The following ANK2 variants were observed in gnomAD, a reference collection of about 807,000 sequenced individuals.
ANK2 encodes ankyrin 2, also known as ankyrin-2.
In ANK2, 83 loss-of-function variants were observed where a neutral mutation model predicts 360.5. The ratio of observed to expected loss-of-function variants is 0.23; its 90% CI spans 0.19 to 0.28. The LOEUF (loss-of-function observed/expected upper bound fraction) is 0.28, where lower values mean the gene tolerates loss of function less well. Ranked by LOEUF, ANK2 falls within the 10% of genes least tolerant of loss-of-function variation. The pLI is 1.00. For synonymous variants in ANK2, 1,740 were observed against 1,759.5 expected (o/e 0.99, Z 0.28); for missense variants, 4,201 against 4,795.7 (o/e 0.88, Z 3.66).
At position 113,255,773 on chromosome 4, in the gene ANK2, C is replaced by A. The variant is rs544855570; in HGVS notation, c.1029C>A (p.Asp343Glu). The A allele has an allele frequency of 6.2e-7, 1 of 1,614,112 alleles. No individual in the cohort carries two copies. Among genetic ancestry groups the A allele is most frequent in the African/African-American group, 1.3e-5 (1 of 75,008 alleles). The change falls in exon 11 of 46, where the codon GAC (aspartate) becomes GAA (glutamate). Residue 343 changes from aspartate to glutamate, a missense_variant. Coordinates refer to ENST00000357077, the MANE Select transcript of ANK2 (RefSeq NM_001148.6). ...LSPLHMAAQG[D>E]HVECVKHLLQ... is the part of the protein sequence containing the mutation. ...CACTACACATGGCTGCCCAGGGAGA[C>A]CACGTGGAATGTGTGAAGCACCTGT... is the stretch of plus-strand genomic sequence containing the variant.
intron 2 of ANK2, among the ~76,000 whole-genome samples, chr4:112,939,314 A>C (rs773050521): frequency 3.3e-5 from 5 of 151,968 alleles, no homozygotes; most frequent in Non-Finnish European, 5.9e-5. Context: ...CTTTATTTTT[A>C]TTTATTTATT....
chr4:113,298,448 A>G (rs941119355), intron 22 of ANK2, among the ~76,000 whole-genome samples: 5 of 152,116 alleles, frequency 3.3e-5, no homozygotes, highest in Admixed American at 6.5e-5. Flanking sequence ...GACCAGGAGG[A>G]TTGGCTGAGT....
intron 1 of ANK2, among the ~76,000 whole-genome samples, chr4:112,896,237 G>A (rs2081695368): frequency 6.6e-6 from 1 of 152,236 alleles, no homozygotes; most frequent in Admixed American, 6.5e-5. Context: ...GGAGGAAGGA[G>A]CTACAGCATA....
chr4:113,139,249 C>G lies in ANK2; in HGVS notation c.85-35167C>G, dbSNP rs28433423. On this transcript the variant is annotated intron_variant, in intron 1 of 45. Coordinates refer to ENST00000357077, the MANE Select transcript of ANK2 (RefSeq NM_001148.6). Reference sequence around the variant, plus strand: ...TGTTCCTGTGGGCACCAAACTTTGCCCATTAACTGATCTATTCTCATGCTA... The same window carrying G: ...TGTTCCTGTGGGCACCAAACTTTGCGCATTAACTGATCTATTCTCATGCTA... Among the ~76,000 whole-genome samples the G allele has an allele frequency of 7.7e-3, 1,169 of 152,264 alleles. 17 individuals are homozygous for G. The highest frequency in any genetic ancestry group is 0.027 in the African/African-American group (1,119 of 41,552).
intron 22 of ANK2, among the ~76,000 whole-genome samples, chr4:113,300,812 G>A (rs536587161): frequency 1.1e-4 from 16 of 152,246 alleles, no homozygotes; most frequent in Admixed American, 7.8e-4. Context: ...GCTACCTCTC[G>A]CTCTTTACTG....
At chr4:112,924,871 C>T (rs1401214628) in intron 2 of ANK2, among the ~76,000 whole-genome samples, 1 of 144,316 alleles carries the variant, frequency 6.9e-6, no homozygotes, top group African/African-American at 2.6e-5. Context: ...CACAGTCTCG[C>T]TCTGTCGCCC....
At chr4:112,904,555 T>C (rs1240813172) in intron 2 of ANK2, 6 of 1,385,384 alleles carry the variant, frequency 4.3e-6, no homozygotes, top group Non-Finnish European at 4.9e-6. Flanking sequence ...AGGAATCTTA[T>C]AAAAAGACAC....
intron 45 of ANK2, among the ~76,000 whole-genome samples, chr4:113,380,201 G>A (rs1464080318): frequency 1.3e-5 from 2 of 151,818 alleles, no homozygotes; most frequent in African/African-American, 4.8e-5. Flanking sequence ...TGCCTATGGA[G>A]TAGCCATTTT....
the ANK2 span, among the ~76,000 whole-genome samples, chr4:112,752,580 GTTGATGTTGCC>G: frequency 1.3e-5 from 2 of 151,176 alleles, no homozygotes; most frequent in Admixed American, 1.3e-4. Flanking sequence ...ACAGGGATCT[GTTGATGTTGCC>G]CAGGCTGGGC....
intron 4 of ANK2, among the ~76,000 whole-genome samples, chr4:113,225,657 CA>C (rs1311093814): frequency 6.6e-6 from 1 of 152,116 alleles, no homozygotes; most frequent in African/African-American, 2.4e-5. Context: ...TGTATATTAA[CA>C]GTATTTTTCT....
the ANK2 span, among the ~76,000 whole-genome samples, chr4:112,780,130 G>A: frequency 2.0e-5 from 3 of 151,618 alleles, no homozygotes; most frequent in Non-Finnish European, 2.9e-5. Context: ...GCTGAGTTGC[G>A]GTGCTAAGAT....
intron 42 of ANK2, among the ~76,000 whole-genome samples, chr4:113,368,996 A>T (rs1444383897): frequency 6.6e-6 from 1 of 152,344 alleles, no homozygotes; most frequent in East Asian, 1.9e-4. Context: ...TATCAATGAA[A>T]AAAGTTTCCA....
chr4:112,868,987 G>A (rs1404117213), intron 1 of ANK2, among the ~76,000 whole-genome samples: 1 of 151,638 alleles, frequency 6.6e-6, no homozygotes, highest in Non-Finnish European at 1.5e-5. Flanking sequence ...TTGAGACAGG[G>A]TCTCACTCTG....
At chr4:112,877,831 C>T (rs1405463496) in intron 1 of ANK2, among the ~76,000 whole-genome samples, 1 of 152,154 alleles carries the variant, frequency 6.6e-6, no homozygotes, top group East Asian at 1.9e-4. Context: ...AAAACCTCCA[C>T]CTTGGATTCT....
chr4:113,250,100 T>C (rs2045324975), intron 10 of ANK2, among the ~76,000 whole-genome samples: 1 of 152,242 alleles, frequency 6.6e-6, no homozygotes, highest in African/African-American at 2.4e-5. Flanking sequence ...CCTGTTATTC[T>C]TACTGCAGAT....
At chr4:112,885,476 G>A (rs2078037565) in intron 1 of ANK2, among the ~76,000 whole-genome samples, 1 of 133,038 alleles carries the variant, frequency 7.5e-6, no homozygotes, top group Non-Finnish European at 1.5e-5. Context: ...TCCATCCTGG[G>A]CAACAGGGCA....
intron 1 of ANK2, among the ~76,000 whole-genome samples, chr4:113,052,381 T>A (rs1338937451): frequency 1.3e-5 from 2 of 152,188 alleles, no homozygotes; most frequent in Non-Finnish European, 2.9e-5. Flanking sequence ...ACCACCAAGC[T>A]CACTATGGCC....
intron 1 of ANK2, among the ~76,000 whole-genome samples, chr4:113,135,738 T>C (rs1359426579): frequency 6.6e-6 from 1 of 152,162 alleles, no homozygotes; most frequent in Non-Finnish European, 1.5e-5. Flanking sequence ...ACTGATGCTT[T>C]TGTGGCCATT....
At chr4:112,842,278 G>A (rs913223034) in intron 1 of ANK2, among the ~76,000 whole-genome samples, 5 of 152,188 alleles carry the variant, frequency 3.3e-5, no homozygotes, top group African/African-American at 4.8e-5. Context: ...CCAAAGTGCT[G>A]GGATTACAGG....
Sources: gnomAD v4.1 joint callset for allele counts (sites outside exome capture counted in the v4.1 genomes callset) on GRCh38, gnomAD v4.1.1 for gene constraint, MANE v1.5 for transcripts, NCBI Gene and HGNC (gene_info 2026-07-23, HGNC 2026-07-21) for gene names.